GLE1: variants seen among roughly 807,000 people sequenced by gnomAD.
GLE1 encodes the protein mRNA export factor GLE1.
A neutral mutation model predicts 97.3 loss-of-function variants in GLE1; 78 were observed. That is an observed-to-expected ratio of 0.80 (90% confidence interval 0.67 to 0.97). The LOEUF is 0.97. GLE1 is among the 50% of genes least tolerant of loss of function. GLE1 has a pLI of 0.00. For missense variants in GLE1, 753 were observed against 857.5 expected (o/e 0.88, Z 1.52); for synonymous variants, 302 against 313.4 (o/e 0.96, Z 0.39).
intron 9 of GLE1, among the ~76,000 whole-genome samples, chr9:128,528,150 G>A (rs1413851394): frequency 2.0e-5 from 3 of 149,894 alleles, no homozygotes; most frequent in East Asian, 4.0e-4. Context: ...GACTACAGGC[G>A]CCCACCACCA....
intron 13 of GLE1, among the ~76,000 whole-genome samples, chr9:128,538,820 CAA>C (rs918391510): frequency 6.6e-6 from 1 of 152,124 alleles, no homozygotes; most frequent in African/African-American, 2.4e-5. Context: ...CTAACCCTGC[CAA>C]AGTGTTGAGA....
chr9:128,513,625 C>T (rs1846888514), intron 2 of GLE1, among the ~76,000 whole-genome samples: 1 of 151,302 alleles, frequency 6.6e-6, no homozygotes, highest in Non-Finnish European at 1.5e-5. Flanking sequence ...TAGGAGGATC[C>T]TTGATCCTGG....
intron 3 of GLE1, among the ~76,000 whole-genome samples, chr9:128,521,613 C>T (rs947614060): frequency 1.3e-5 from 2 of 152,174 alleles, no homozygotes; most frequent in African/African-American, 2.4e-5. Flanking sequence ...TAGATTTTGA[C>T]ATATCTCCAT....
rs1847497773 is a variant in GLE1, at chr9:128,531,308, A to G, written c.1313-2205A>G. On this transcript the variant is annotated intron_variant, in intron 9 of 15. Transcript: ENST00000309971. Reference sequence around the variant, plus strand: ...TTTAGGCGGCTGAGGTGGGTGAATCATAGGAGGTCAGGAGTTCAAGACCAG... The same window carrying G: ...TTTAGGCGGCTGAGGTGGGTGAATCGTAGGAGGTCAGGAGTTCAAGACCAG... Among the ~76,000 whole-genome samples the G allele has an allele frequency of 2.6e-5, 4 of 151,502 alleles. 1 individual carries two copies. The highest frequency in any genetic ancestry group is 4.2e-4 in the South Asian group (2 of 4,806).
chr9:128,537,453 CAAAAAAAAAA>C (rs57584433), intron 12 of GLE1, among the ~76,000 whole-genome samples: 3 of 43,960 alleles, frequency 6.8e-5, no homozygotes, highest in Admixed American at 2.6e-4. Flanking sequence ...AACTCTCCCT[CAAAAAAAAAA>C]AAAAAAAAAA....
chr9:128,520,402 GTATA>G (rs1179149402), intron 3 of GLE1, among the ~76,000 whole-genome samples: 2 of 147,458 alleles, frequency 1.4e-5, no homozygotes, highest in Admixed American at 6.9e-5. Flanking sequence ...ATGTATGTGT[GTATA>G]TATGTATATA....
intron 14 of GLE1, chr9:128,539,960 C>A: frequency 1.1e-6 from 1 of 940,688 alleles, no homozygotes; most frequent in Non-Finnish European, 1.5e-6. Flanking sequence ...ATAATTATGC[C>A]TATAATTGCA....
chr9:128,536,325 C>T (rs760220989), intron 11 of GLE1, 30 bp from the exon 12 acceptor site: 1 of 1,606,916 alleles, frequency 6.2e-7, no homozygotes, highest in Non-Finnish European at 8.5e-7. Context: ...TGAGCCACCA[C>T]ACCCGGCCAA....
intron 9 of GLE1, among the ~76,000 whole-genome samples, chr9:128,532,209 CTTTTTTTTTTTTTTTT>C (rs1160924908): frequency 4.1e-5 from 2 of 49,358 alleles, no homozygotes; most frequent in Non-Finnish European, 7.2e-5. Context: ...ATCTGCTTTG[CTTTTTTTTTTTTTTTT>C]TTTTTTTTTT....
At chr9:128,515,411 CTT>C (rs1472759780) in intron 2 of GLE1, 116 bp from the exon 3 acceptor site, 1 of 664,718 alleles carries the variant, frequency 1.5e-6, no homozygotes, top group Non-Finnish European at 2.7e-6. Context: ...TTTTTTTGCT[CTT>C]GTTATTGGTG....
intron 12 of GLE1, among the ~76,000 whole-genome samples, chr9:128,537,121 GGA>G (rs1847734754): frequency 6.6e-6 from 1 of 151,988 alleles, no homozygotes; most frequent in South Asian, 2.1e-4. Context: ...CATATTGAAG[GGA>G]GCCTATAAAG....
rs1589060421 is a variant in GLE1 at position 128,527,498 on chromosome 9, C to G, written c.1285C>G (p.Pro429Ala). 1.9e-6 allele frequency: 3 copies of G among 1,612,220 alleles called. No homozygotes were observed. The South Asian group carries it at 3.3e-5, about 18-fold the overall frequency. The change falls in exon 9 of 16, where the codon CCA (proline) becomes GCA (alanine). Residue 429 changes from proline to alanine, a missense_variant. Physicochemically the swap from Pro to Ala is conservative, Grantham distance 27. Coordinates refer to ENST00000309971, the MANE Select transcript of GLE1 (RefSeq NM_001003722.2). ...KMDLQKAATI[P>A]VSQISTIAGS... ...GGACCTCCAGAAGGCTGCTACCATC[C>G]CAGTGAGCCAAATCTCTACCATTGC...
chr9:128,536,349 G>C lies in GLE1; in HGVS notation c.1647-6G>C, dbSNP rs758624265. On this transcript the variant is annotated splice_region_variant and splice_polypyrimidine_tract_variant and intron_variant, in intron 11 of 15. Transcript: ENST00000309971. ...ACACCCGGCCAAATTTTTTCTTCCC[G>C]TATAGGATGCTTGGTTACCAAGTAA... The C allele has an allele frequency of 6.2e-7, 1 of 1,611,968 alleles. No individual in the cohort carries two copies. Among genetic ancestry groups the C allele is most frequent in the East Asian group, 2.2e-5 (1 of 44,722 alleles).
At chr9:128,540,724 T>C (rs1188585432) in intron 15 of GLE1, 2 of 360,120 alleles carry the variant, frequency 5.6e-6, no homozygotes, top group Non-Finnish European at 1.0e-5. Flanking sequence ...CTTCCCCTAC[T>C]TCCAAGTGCC....
In GLE1 at chr9:128,504,777, GC is replaced by G. The variant is rs746084602; in HGVS notation, c.-28del. On this transcript the variant is annotated 5_prime_UTR_variant, in exon 1 of 16. Coordinates refer to ENST00000309971, the MANE Select transcript of GLE1 (RefSeq NM_001003722.2). Reference sequence around the variant, plus strand: ...GAGGGCTTGTTTGGTCAGAAGGGGGGCGTCAGAGAAGCTGCCCCTTAGCCAA... The same window carrying G: ...GAGGGCTTGTTTGGTCAGAAGGGGGGGTCAGAGAAGCTGCCCCTTAGCCAA... The G allele has an allele frequency of 1.4e-6, 2 of 1,408,946 alleles. No individual in the cohort carries two copies. The highest frequency in any genetic ancestry group is 2.8e-5 in the African/African-American group (2 of 70,940). 87.3% of individuals were successfully genotyped at this position (1,408,946 alleles called of 1,614,324 possible). A position where few individuals can be genotyped will look rare whatever the true frequency, so the allele number is the denominator to read the frequency against.
chr9:128,524,521 GC>G (rs1847246253), intron 6 of GLE1, among the ~76,000 whole-genome samples: 1 of 140,322 alleles, frequency 7.1e-6, no homozygotes, highest in Non-Finnish European at 1.5e-5. Context: ...CATTGTACCT[GC>G]CCTGTTTCTT....
Position 128,509,020 on chromosome 9 carries a change from C to A in GLE1, c.244C>A (p.Pro82Thr). 6.2e-7 allele frequency: 1 copy of A among 1,613,798 alleles called. No individual in the cohort carries two copies. Among genetic ancestry groups the A allele is most frequent in the Non-Finnish European group, 8.5e-7 (1 of 1,179,656 alleles). Residue 82 changes from proline to threonine, a missense_variant, in exon 2 of 16, where the codon CCC (proline) becomes ACC (threonine). Pro to Thr is a conservative substitution (Grantham distance 38). Transcript: ENST00000309971. ...SSTSASALDQPSFVPKSPDAS... is the reference protein window; with the variant it reads ...SSTSASALDQTSFVPKSPDAS... ...TACGTCAGCTTCAGCCCTAGATCAA[C>A]CCTCATTTGTTCCCAAATCTCCTGA...
At chr9:128,516,828 G>C (rs956323484) in intron 3 of GLE1, among the ~76,000 whole-genome samples, 2 of 150,878 alleles carry the variant, frequency 1.3e-5, no homozygotes, top group African/African-American at 4.9e-5. Context: ...GTTTCACCGT[G>C]TTGGCCAGGC....
At chr9:128,531,746 C>A (rs143422711) in intron 9 of GLE1, among the ~76,000 whole-genome samples, 451 of 147,086 alleles carry the variant, frequency 3.1e-3, no homozygotes, top group African/African-American at 0.01. Flanking sequence ...GTGGAAGAAT[C>A]ACTTGAACCC....
Sources: gnomAD v4.1 joint callset for allele counts (sites outside exome capture counted in the v4.1 genomes callset) on GRCh38, gnomAD v4.1.1 for gene constraint, MANE v1.5 for transcripts, NCBI Gene and HGNC (gene_info 2026-07-23, HGNC 2026-07-21) for gene names.